EFNA4: variants seen among roughly 807,000 people sequenced by gnomAD.
EFNA4 encodes ephrin A4, also known as ephrin-A4.
Under a neutral mutation model 23.7 loss-of-function variants are expected in EFNA4, and 22 were observed. The observed-to-expected ratio is 0.93, with a 90% CI of 0.66 to 1.32. EFNA4 has a LOEUF of 1.32. Ranked by LOEUF, EFNA4 falls within the 40% of genes most tolerant of loss-of-function variation. EFNA4 has a pLI of 0.00. For missense variants in EFNA4, 252 were observed against 252.3 expected (o/e 1.00, Z 0.01); for synonymous variants, 113 against 108.3 (o/e 1.04, Z -0.27).
Position 155,063,996 on chromosome 1 carries a change from G to C in EFNA4, c.113+60G>C, listed in dbSNP as rs918769708. The C allele has an allele frequency of 7.2e-7, 1 of 1,394,904 alleles. No individual in the cohort carries two copies. The highest frequency in any genetic ancestry group is 1.4e-5 in the South Asian group (1 of 73,496). The allele number at this position is 1,394,904 out of a possible 1,614,324, so 86.4% of individuals were successfully genotyped here. A position where few individuals can be genotyped will look rare whatever the true frequency, so the allele number is the denominator to read the frequency against. Reference sequence around the variant, plus strand: ...GTCTGCGCGCTCCCGGGCTTTGCGCGCGCCCGCCACCCGCTCTTTGCGCGG... The same window carrying C: ...GTCTGCGCGCTCCCGGGCTTTGCGCCCGCCCGCCACCCGCTCTTTGCGCGG... On this transcript the variant is annotated intron_variant, in intron 1 of 3. Coordinates refer to ENST00000368409, the MANE Select transcript of EFNA4 (RefSeq NM_005227.3). This position sits in a 1 kb window ranked among gnomAD's most constrained non-coding sequence, Gnocchi z 4.1.
rs1316953642 is a variant in EFNA4 at position 155,068,880 on chromosome 1, G to A, written c.497G>A (p.Ser166Asn). 6.2e-7 allele frequency: 1 copy of A among 1,613,754 alleles called. No individual in the cohort carries two copies. The highest frequency in any genetic ancestry group is 8.5e-7 in the Non-Finnish European group (1 of 1,179,854). The stretch of plus-strand genomic sequence containing the variant: ...TCTGAGTCAGCCCATCCTGTTGGGA[G>A]CCCTGGAGAGAGTGGCACATCAGGG... ...RKSESAHPVG[S>N]PGESGTSGWR... The change falls in exon 4 of 4, where the codon AGC (serine) becomes AAC (asparagine). Residue 166 changes from serine (S) to asparagine (N), a missense_variant. Ser to Asn is a conservative substitution (Grantham distance 46). Coordinates refer to ENST00000368409, the MANE Select transcript of EFNA4 (RefSeq NM_005227.3).
intron 3 of EFNA4, among the ~76,000 whole-genome samples, chr1:155,068,016 G>T (rs928906104): frequency 6.6e-6 from 1 of 152,098 alleles, no homozygotes; most frequent in Non-Finnish European, 1.5e-5. Flanking sequence ...AAACTCCTGG[G>T]TTCAAGCGAT....
intron 3 of EFNA4, among the ~76,000 whole-genome samples, chr1:155,068,531 C>T (rs1457756462): frequency 1.4e-5 from 2 of 145,850 alleles, no homozygotes; most frequent in Non-Finnish European, 3.0e-5. Flanking sequence ...ATCCACTCGC[C>T]TCAGCCTTAC....
At position 155,063,855 on chromosome 1, in the gene EFNA4, T is replaced by G; in HGVS notation, c.32T>G (p.Leu11Arg). Residue 11 changes from leucine to arginine, a missense_variant, in exon 1 of 4, where the codon CTC becomes CGC. By Grantham distance (102) the Leu-to-Arg change is moderately radical. Transcript: ENST00000368409. This position sits in a 1 kb window ranked among gnomAD's most constrained non-coding sequence, Gnocchi z 4.1. MRLLPLLRTV[L>R]WAAFLGSPLR... ...CTGCTGCCCCTGCTGCGGACTGTCC[T>G]CTGGGCCGCGTTCCTCGGCTCCCCT... 6.4e-7 allele frequency: 1 copy of G among 1,550,586 alleles called. No individual in the cohort carries two copies. Among genetic ancestry groups the G allele is most frequent in the Non-Finnish European group, 8.7e-7 (1 of 1,148,876 alleles).
At position 155,066,765 on chromosome 1, in the gene EFNA4, T is replaced by G. The variant is rs1267281203; in HGVS notation, c.149T>G (p.Leu50Arg). 6.8e-6 allele frequency: 11 copies of G among 1,607,614 alleles called. No individual in the cohort carries two copies. The highest frequency in any genetic ancestry group is 9.3e-6 in the Non-Finnish European group (11 of 1,177,942). The change falls in exon 2 of 4, where the codon CTC (leucine) becomes CGC (arginine). Residue 50 changes from leucine (L) to arginine (R), a missense_variant. Leu to Arg is a moderately radical substitution (Grantham distance 102). Coordinates refer to ENST00000368409, the MANE Select transcript of EFNA4 (RefSeq NM_005227.3). ...LRGDAVVELG[L>R]NDYLDIVCPH... Reference sequence around the variant, plus strand: ...GGAGACGCCGTGGTGGAGCTGGGCCTCAACGATTACCTAGACATTGTCTGC... The same window carrying G: ...GGAGACGCCGTGGTGGAGCTGGGCCGCAACGATTACCTAGACATTGTCTGC...
rs1182087715 is a variant in EFNA4 at position 155,063,761 on chromosome 1, C to G, written c.-63C>G. 2.9e-6 allele frequency: 4 copies of G among 1,389,394 alleles called. No homozygotes were observed. The Admixed American group carries it at 8.7e-5, about 30-fold the overall frequency. 86.1% of individuals were successfully genotyped at this position (1,389,394 alleles called of 1,614,324 possible). A position where few individuals can be genotyped will look rare whatever the true frequency, so the allele number is the denominator to read the frequency against. ...ACTTCCCTCTTCACTTTGTACCTTT[C>G]TCTCCTCGACTGTGAAGCGGGCCGG... On this transcript the variant is annotated 5_prime_UTR_variant, in exon 1 of 4. Transcript: ENST00000368409. The surrounding 1 kb of genome is among the most constrained non-coding windows in gnomAD (Gnocchi z 4.1).
chr1:155,068,103 T>C (rs1663094129), intron 3 of EFNA4, among the ~76,000 whole-genome samples: 1 of 152,062 alleles, frequency 6.6e-6, no homozygotes, highest in Non-Finnish European at 1.5e-5. Flanking sequence ...AAATTACTTT[T>C]TATTTTTTGT....
chr1:155,066,305 C>T (rs1225426828), intron 1 of EFNA4, among the ~76,000 whole-genome samples: 3 of 152,230 alleles, frequency 2.0e-5, no homozygotes, highest in Non-Finnish European at 2.9e-5. Flanking sequence ...TGCAGCTGCA[C>T]TGTGTGCAAC....
intron 3 of EFNA4, 31 bp from the exon 4 acceptor site, chr1:155,068,822 A>T: frequency 6.3e-7 from 1 of 1,574,986 alleles, no homozygotes; most frequent in Non-Finnish European, 8.6e-7. Context: ...AAGTGGGAGG[A>T]CTGATCAGTG....
rs1355994737 is a variant in EFNA4, at chr1:155,068,963, A to AT, written c.582dup (p.Leu195SerfsTer49). The AT allele has an allele frequency of 3.1e-6, 5 of 1,613,996 alleles. No individual in the cohort carries two copies. The highest frequency in any genetic ancestry group is 4.2e-6 in the Non-Finnish European group (5 of 1,179,982). ...TCTCTTGCTATTACTGCTGCTTCTG[A>AT]TTCTTCGTCTTCTGCGAATTCTGTG... On this transcript the variant is annotated frameshift_variant, in exon 4 of 4. Transcript: ENST00000368409. LOFTEE classifies it high-confidence loss of function.
intron 1 of EFNA4, among the ~76,000 whole-genome samples, chr1:155,064,283 C>G (rs918729016): frequency 1.7e-4 from 26 of 152,204 alleles, no homozygotes; most frequent in Non-Finnish European, 2.8e-4. Flanking sequence ...CTGTGGCTGA[C>G]GAACTTGAGA....
intron 3 of EFNA4, among the ~76,000 whole-genome samples, chr1:155,068,304 G>A (rs1309527393): frequency 1.3e-5 from 2 of 148,504 alleles, no homozygotes; most frequent in Admixed American, 1.4e-4. Flanking sequence ...TCGCTCTGTC[G>A]CCCAGGGCTG....
chr1:155,065,159 A>G (rs1226528129), intron 1 of EFNA4, among the ~76,000 whole-genome samples: 1 of 152,196 alleles, frequency 6.6e-6, no homozygotes, highest in Non-Finnish European at 1.5e-5. Context: ...GCAGTAGAAC[A>G]AAACTTACCA....
At chr1:155,065,389 TC>T (rs987118667) in intron 1 of EFNA4, among the ~76,000 whole-genome samples, 5 of 152,178 alleles carry the variant, frequency 3.3e-5, no homozygotes, top group African/African-American at 1.2e-4. Flanking sequence ...TGTGCTGGCT[TC>T]CCCAGGCAGC....
chr1:155,067,425 T>C lies in EFNA4; in HGVS notation c.454T>C (p.Cys152Arg). The part of the protein sequence containing the change: ...GQCLRLQVSV[C>R]CKERKSESAH... ...GTGCTTGAGGCTCCAGGTGTCTGTC[T>C]GCTGCAAGGAGAGGAGTAAGTGGGT... The change falls in exon 3 of 4, where the codon TGC (cysteine) becomes CGC (arginine). Residue 152 changes from cysteine to arginine, a missense_variant. Cys to Arg is a radical substitution (Grantham distance 180, BLOSUM62 -3). Coordinates refer to ENST00000368409, the MANE Select transcript of EFNA4 (RefSeq NM_005227.3). 1 of 1,614,178 alleles carries C rather than the reference T, an allele frequency of 6.2e-7. No individual in the cohort carries two copies. The highest frequency in any genetic ancestry group is 8.5e-7 in the Non-Finnish European group (1 of 1,180,028).
intron 2 of EFNA4, 50 bp from the exon 3 acceptor site, chr1:155,067,322 C>CAAAG (rs1558140222): frequency 6.2e-7 from 1 of 1,603,940 alleles, no homozygotes; most frequent in South Asian, 1.1e-5. Context: ...CTGAGGCATA[C>CAAAG]AAAGGGGTGA....
chr1:155,063,743 T>A lies in EFNA4; in HGVS notation c.-81T>A. ...CCCACTCCCCTTTCCGCAACTTCCC[T>A]CTTCACTTTGTACCTTTCTCTCCTC... On this transcript the variant is annotated 5_prime_UTR_variant, in exon 1 of 4. Transcript: ENST00000368409. The surrounding 1 kb of genome is among the most constrained non-coding windows in gnomAD (Gnocchi z 4.1). 2 of 1,286,774 alleles carry A rather than the reference T, an allele frequency of 1.6e-6. No homozygotes were observed. Among genetic ancestry groups the A allele is most frequent in the South Asian group, 1.5e-5 (1 of 67,446 alleles). The allele number at this position is 1,286,774 out of a possible 1,614,324, so 79.7% of individuals were successfully genotyped here.
chr1:155,067,289 A>T (rs1344186051), intron 2 of EFNA4, 83 bp from the exon 3 acceptor site: 2 of 1,528,122 alleles, frequency 1.3e-6, no homozygotes, highest in Non-Finnish European at 1.8e-6. Flanking sequence ...GAGAGAAGAA[A>T]ACCTGGGAGG....
In EFNA4 at chr1:155,066,745, C is replaced by T. The variant is rs773749190; in HGVS notation, c.129C>T (p.Asp43=). 1.9e-5 allele frequency: 30 copies of T among 1,598,520 alleles called. No homozygotes were observed. Among genetic ancestry groups the T allele is most frequent in the Admixed American group, 8.9e-5 (5 of 56,442 alleles). ...NSSNPRLLRG[D]AVVELGLNDY... Reference sequence around the variant, plus strand: ...ATGCCTGCAGGTTGCTTCGAGGAGACGCCGTGGTGGAGCTGGGCCTCAACG... The same window carrying T: ...ATGCCTGCAGGTTGCTTCGAGGAGATGCCGTGGTGGAGCTGGGCCTCAACG... Residue 43 remains aspartate (D), a synonymous_variant, in exon 2 of 4, where the codon GAC becomes GAT. Transcript: ENST00000368409.
Sources: gnomAD v4.1 joint callset for allele counts (sites outside exome capture counted in the v4.1 genomes callset) on GRCh38, gnomAD v4.1.1 for gene constraint, Gnocchi (gnomAD v3.1) non-coding constraint, MANE v1.5 for transcripts, NCBI Gene and HGNC (gene_info 2026-07-23, HGNC 2026-07-21) for gene names.